KDM4C: variants seen among roughly 807,000 people sequenced by gnomAD.
KDM4C encodes lysine-specific demethylase 4C.
KDM4C carries 81 observed loss-of-function variants against 129.3 expected under a neutral mutation model. That is an observed-to-expected ratio of 0.63 (90% CI 0.52 to 0.75). The LOEUF is 0.75. KDM4C is among the 30% of genes least tolerant of loss of function. The probability of loss-of-function intolerance (pLI) is 0.00; values close to 1 mark genes in which losing one functional copy is unlikely to be tolerated. For missense variants in KDM4C, 1,457 were observed against 1,304.0 expected (o/e 1.12, Z -1.81); for synonymous variants, 573 against 456.1 (o/e 1.26, Z -3.26).
chr9:6,830,227 G>T (rs966133284), intron 4 of KDM4C, among the ~76,000 whole-genome samples: 10 of 152,202 alleles, frequency 6.6e-5, no homozygotes, highest in African/African-American at 2.4e-4. Context: ...GAGGAAACCA[G>T]GATAACCGTG....
rs544847565 is a variant in KDM4C, at chr9:7,153,893, C to T, written c.2782-11345C>T. Among the ~76,000 whole-genome samples the T allele has an allele frequency of 3.3e-5, 5 of 152,338 alleles. No homozygotes were observed. In the South Asian group the frequency reaches 1.0e-3, roughly 32 times the overall value. On this transcript the variant is annotated intron_variant, in intron 19 of 21. Coordinates refer to ENST00000381309, the MANE Select transcript of KDM4C (RefSeq NM_015061.6). ...ATGCCATCCAGGAAGGACACACTGC[C>T]TCCCCTTATGTGGTGAGACTGGACC...
At chr9:6,781,382 G>T (rs199976847) in intron 1 of KDM4C, among the ~76,000 whole-genome samples, 2 of 126,174 alleles carry the variant, frequency 1.6e-5, no homozygotes, top group East Asian at 3.1e-4. Flanking sequence ...CTTGTTTTTT[G>T]TGTTTTTTTT....
intron 12 of KDM4C, among the ~76,000 whole-genome samples, chr9:6,998,151 T>G (rs1482819708): frequency 2.0e-5 from 3 of 152,240 alleles, no homozygotes; most frequent in Non-Finnish European, 2.9e-5. Context: ...AAAGACAGCT[T>G]ACACCCTGAT....
At chr9:6,974,162 A>G (rs1328779470) in intron 8 of KDM4C, among the ~76,000 whole-genome samples, 1 of 152,214 alleles carries the variant, frequency 6.6e-6, no homozygotes, top group Non-Finnish European at 1.5e-5. Flanking sequence ...TTAGGATATG[A>G]TGATTCAAGT....
rs1419463563 is a variant in KDM4C at position 6,879,882 on chromosome 9, C to T, written c.630-130C>T. Reference sequence around the variant, plus strand: ...GACTCTGTGATTGGCTTTCTAATCTCTACTCAGTTCATCTAAGTGGAGTTT... The same window carrying T: ...GACTCTGTGATTGGCTTTCTAATCTTTACTCAGTTCATCTAAGTGGAGTTT... On this transcript the variant is annotated intron_variant, in intron 5 of 21. Coordinates refer to ENST00000381309, the MANE Select transcript of KDM4C (RefSeq NM_015061.6). 8.1e-6 allele frequency: 4 copies of T among 491,782 alleles called. No homozygotes were observed. In the South Asian group the frequency reaches 1.5e-4, roughly 18 times the overall value. 30.5% of individuals were successfully genotyped at this position (491,782 alleles called of 1,614,324 possible). A position where few individuals can be genotyped will look rare whatever the true frequency, so the allele number is the denominator to read the frequency against.
chr9:6,723,285 G>A (rs927516217), intron 1 of KDM4C, among the ~76,000 whole-genome samples: 3 of 152,096 alleles, frequency 2.0e-5, no homozygotes, highest in Admixed American at 2.0e-4. Context: ...TGAGGTATGA[G>A]AATTCCTTGA....
chr9:7,067,708 C>G lies in KDM4C; in HGVS notation c.2424+18508C>G, dbSNP rs141467123. Among the ~76,000 whole-genome samples the G allele has an allele frequency of 2.0e-3, 308 of 152,240 alleles. 2 individuals carry two copies. The highest frequency in any genetic ancestry group is 7.1e-3 in the African/African-American group (295 of 41,532). ...CTTATCTTCAAAATATTTTTAAAAA[C>G]CGAAGTGTATAAAATCCAAAATGAA... On this transcript the variant is annotated intron_variant, in intron 17 of 21. Transcript: ENST00000381309.
chr9:6,839,949 G>A (rs1252154795), intron 4 of KDM4C, among the ~76,000 whole-genome samples: 1 of 151,066 alleles, frequency 6.6e-6, no homozygotes, highest in Non-Finnish European at 1.5e-5. Context: ...GAAACACCAT[G>A]TCACAATGCT....
chr9:7,030,638 TAA>T (rs1260549071), intron 15 of KDM4C, among the ~76,000 whole-genome samples: 1 of 152,214 alleles, frequency 6.6e-6, no homozygotes, highest in Non-Finnish European at 1.5e-5. Flanking sequence ...TAAAGTCTAA[TAA>T]AAAAGTTATT....
chr9:7,093,561 T>G (rs775240502), intron 17 of KDM4C, among the ~76,000 whole-genome samples: 5 of 152,212 alleles, frequency 3.3e-5, no homozygotes, highest in Non-Finnish European at 7.3e-5. Context: ...TCCGCATTTT[T>G]CATTGTTCTT....
chr9:6,793,640 A>C (rs181364648), intron 2 of KDM4C, among the ~76,000 whole-genome samples: 303 of 149,608 alleles, frequency 2.0e-3, no homozygotes, highest in Admixed American at 4.7e-3. Context: ...CCCGGGTTCC[A>C]GTGATTCTCC....
At chr9:7,024,832 C>G (rs546639570) in intron 15 of KDM4C, among the ~76,000 whole-genome samples, 21 of 152,096 alleles carry the variant, frequency 1.4e-4, no homozygotes, top group Non-Finnish European at 2.5e-4. Flanking sequence ...GATTTATAAT[C>G]CTTTGGGTAT....
At chr9:7,127,929 A>G in intron 18 of KDM4C, 137 bp from the exon 19 acceptor site, 1 of 693,360 alleles carries the variant, frequency 1.4e-6, no homozygotes, top group Non-Finnish European at 2.2e-6. Context: ...ATTATTCTTC[A>G]ATATTAAGTT....
At chr9:7,061,123 A>G (rs186621536) in intron 17 of KDM4C, among the ~76,000 whole-genome samples, 80 of 152,182 alleles carry the variant, frequency 5.3e-4, no homozygotes, top group African/African-American at 1.9e-3. Flanking sequence ...ATTTAGCTCA[A>G]TTTGCTTCGG....
chr9:6,964,792 A>AC (rs935552898), intron 8 of KDM4C, among the ~76,000 whole-genome samples: 3 of 150,528 alleles, frequency 2.0e-5, no homozygotes, highest in African/African-American at 7.3e-5. Context: ...AAAAAAAAAA[A>AC]AAAAAAAAAC....
intron 2 of KDM4C, among the ~76,000 whole-genome samples, chr9:6,798,963 G>A (rs1002824178): frequency 4.9e-4 from 75 of 151,916 alleles, no homozygotes; most frequent in African/African-American, 1.6e-3. Flanking sequence ...CATCCCAGAC[G>A]ATGGGTGGCC....
chr9:6,732,167 C>T (rs1273268397), intron 1 of KDM4C, among the ~76,000 whole-genome samples: 2 of 151,008 alleles, frequency 1.3e-5, no homozygotes, highest in Admixed American at 6.6e-5. Flanking sequence ...GAGATTGAGA[C>T]CATCCTGGCT....
At chr9:6,865,665 C>G (rs1413101104) in intron 5 of KDM4C, among the ~76,000 whole-genome samples, 1 of 152,190 alleles carries the variant, frequency 6.6e-6, no homozygotes, top group Non-Finnish European at 1.5e-5. Context: ...CTCCCAGTTT[C>G]AAGCAATTCT....
At chr9:7,108,414 AT>A (rs1837944484) in intron 18 of KDM4C, among the ~76,000 whole-genome samples, 2 of 151,724 alleles carry the variant, frequency 1.3e-5, no homozygotes, top group African/African-American at 4.8e-5. Context: ...TTTTTGTATT[AT>A]TTATAGAGAC....
Sources: allele counts gnomAD v4.1 joint callset (sites outside exome capture counted in the v4.1 genomes callset), GRCh38; gene constraint gnomAD v4.1.1; transcripts MANE v1.5; gene names NCBI Gene and HGNC (gene_info 2026-07-23, HGNC 2026-07-21).